Variants in CRHR2 observed in about 807,000 individuals in gnomAD.
CRHR2 encodes the protein corticotropin releasing hormone receptor 2.
Under a neutral mutation model 57.9 loss-of-function variants are expected in CRHR2, and 53 were observed. The ratio of observed to expected loss-of-function variants is 0.92; its 90% CI spans 0.73 to 1.15. The LOEUF is 1.15. Ranked by LOEUF, CRHR2 falls within the 50% of genes most tolerant of loss-of-function variation. The pLI is 0.00. For synonymous variants in CRHR2, 213 were observed against 220.9 expected (o/e 0.96, Z 0.32); for missense variants, 532 against 542.6 (o/e 0.98, Z 0.19).
chr7:30,678,613 A>G (rs1217319453), intron 2 of CRHR2, among the ~76,000 whole-genome samples: 1 of 151,456 alleles, frequency 6.6e-6, no homozygotes, highest in African/African-American at 2.4e-5. Context: ...CATCCTGAGG[A>G]CTTCTAAACG....
intron 2 of CRHR2, among the ~76,000 whole-genome samples, chr7:30,679,908 A>T (rs1784643748): frequency 6.6e-6 from 1 of 152,068 alleles, no homozygotes; most frequent in African/African-American, 2.4e-5. Context: ...GGTGCTGGTT[A>T]GTGGTAAGTG....
chr7:30,654,638 C>T lies in CRHR2; in HGVS notation c.1095+401G>A, dbSNP rs544889001. 1.3e-5 allele frequency: 20 copies of T among 1,515,308 alleles called. 1 individual carries two copies. The South Asian group carries it at 2.3e-4, about 17-fold the overall frequency. 93.9% of individuals were successfully genotyped at this position (1,515,308 alleles called of 1,614,324 possible). On this transcript the variant is annotated intron_variant, in intron 11 of 11. Coordinates refer to ENST00000471646, the MANE Select transcript of CRHR2 (RefSeq NM_001883.5). ...GCCTGCTCTTGGTGTGTGGGCTTTT[C>T]TGTGGCAGGTAGCGGGGGAATGTGC...
At chr7:30,664,872 G>T (rs557586574) in intron 5 of CRHR2, among the ~76,000 whole-genome samples, 198 bp downstream of exon 5, 1 of 152,132 alleles carries the variant, frequency 6.6e-6, no homozygotes, top group Admixed American at 6.5e-5. Context: ...GTGGGGGCAA[G>T]AATGGGGTGG....
At chr7:30,681,767 A>G (rs41417745) in intron 2 of CRHR2, 148 bp downstream of exon 2, 27,164 of 1,226,070 alleles carry the variant, frequency 0.022, 1,073 homozygotes, top group African/African-American at 0.17. Flanking sequence ...CGCGCCCCCA[A>G]CACTGTAAGG....
At position 30,652,153 on chromosome 7, in the gene CRHR2, C is replaced by T. The variant is rs1427126345; in HGVS notation, c.*1307G>A. ...TTTTGGAAGAAATGGCCTGATGCTT[C>T]TCTCTCCCTGACTCCTGCGGCTCCG... On this transcript the variant is annotated 3_prime_UTR_variant, in exon 12 of 12. Coordinates refer to ENST00000471646, the MANE Select transcript of CRHR2 (RefSeq NM_001883.5). The surrounding 1 kb of genome is among the most constrained non-coding windows in gnomAD (Gnocchi z 4.4). The T allele has an allele frequency of 6.6e-6, 1 of 152,222 alleles. No homozygotes were observed. The highest frequency in any genetic ancestry group is 1.9e-4 in the East Asian group (1 of 5,190). The allele number at this position is 152,222 out of a possible 1,614,324, so 9.4% of individuals were successfully genotyped here. A position where few individuals can be genotyped will look rare whatever the true frequency, so the allele number is the denominator to read the frequency against.
chr7:30,681,369 G>A (rs1264184341), intron 2 of CRHR2, among the ~76,000 whole-genome samples: 1 of 152,138 alleles, frequency 6.6e-6, no homozygotes, highest in African/African-American at 2.4e-5. Flanking sequence ...GCAACACCCC[G>A]CACCCTCTGG....
At chr7:30,697,136 G>A (rs1219411725) in intron 1 of CRHR2, among the ~76,000 whole-genome samples, 5 of 152,206 alleles carry the variant, frequency 3.3e-5, no homozygotes, top group East Asian at 1.9e-4. Flanking sequence ...CTGTGGACTC[G>A]GTCTTTGGTG....
At chr7:30,679,687 T>C (rs1398129040) in intron 2 of CRHR2, among the ~76,000 whole-genome samples, 1 of 152,186 alleles carries the variant, frequency 6.6e-6, no homozygotes, top group Non-Finnish European at 1.5e-5. Context: ...GGGCAGGAAG[T>C]GGAGCCTGAA....
chr7:30,682,179 C>A lies in CRHR2; in HGVS notation c.102G>T (p.Glu34Asp). ...TCCGACCGCTCGCCTCCCGCCTACC[C>A]TCGGGGTCCAGGGGTGGCCCCCAGC... is the stretch of plus-strand genomic sequence containing the variant. ...LDGWGPPLDPEGPYSYCNTTL... is the reference protein window; with the variant it reads ...LDGWGPPLDPDGPYSYCNTTL... The change falls in exon 1 of 12, where the codon GAG becomes GAT. Residue 34 changes from glutamate to aspartate, a missense_variant and splice_region_variant. Physicochemically the swap from Glu to Asp is conservative, Grantham distance 45. Transcript: ENST00000471646. The A allele has an allele frequency of 6.4e-7, 1 of 1,573,430 alleles. No individual in the cohort carries two copies. Among genetic ancestry groups the A allele is most frequent in the Non-Finnish European group, 8.6e-7 (1 of 1,169,116 alleles).
chr7:30,682,109 G>T, intron 1 of CRHR2, 69 bp from the exon 2 acceptor site: 1 of 1,538,370 alleles, frequency 6.5e-7, no homozygotes, highest in African/African-American at 1.4e-5. Context: ...CGGAGCGCGG[G>T]GTCAGGGGCG....
At chr7:30,686,108 C>T (rs1347559402), upstream of CRHR2, among the ~76,000 whole-genome samples, 1 of 152,198 alleles carries the variant, frequency 6.6e-6, no homozygotes, top group East Asian at 1.9e-4. Context: ...AACAATGTGT[C>T]ACTACCAGAA....
upstream of CRHR2, chr7:30,682,593 C>G (rs1784762688): frequency 1.1e-6 from 1 of 945,108 alleles, no homozygotes; most frequent in Non-Finnish European, 1.3e-6. Flanking sequence ...CCCGGGCCCT[C>G]CACCCTGCCC....
chr7:30,673,178 T>A (rs1446883662), intron 2 of CRHR2, among the ~76,000 whole-genome samples: 1 of 151,968 alleles, frequency 6.6e-6, no homozygotes, highest in Admixed American at 6.6e-5. Context: ...AGTTGAGAAA[T>A]CTTTGACCAT....
chr7:30,679,490 A>G (rs1584123655), intron 2 of CRHR2, among the ~76,000 whole-genome samples: 1 of 151,978 alleles, frequency 6.6e-6, no homozygotes, highest in South Asian at 2.1e-4. Flanking sequence ...TATGGATACA[A>G]AGCTCTCTCA....
At chr7:30,699,720 G>A (rs756556278) in intron 1 of CRHR2, 4 of 405,026 alleles carry the variant, frequency 9.9e-6, no homozygotes, top group South Asian at 5.9e-5. Flanking sequence ...ACCCAGGCAC[G>A]GGATCTCCAA....
At chr7:30,695,720 T>G (rs909935621) in intron 1 of CRHR2, among the ~76,000 whole-genome samples, 2 of 152,234 alleles carry the variant, frequency 1.3e-5, no homozygotes, top group Non-Finnish European at 2.9e-5. Flanking sequence ...TCTGTCCGAA[T>G]GTCCTAAAAA....
rs914698361 is a variant in CRHR2, at chr7:30,691,398, G to A, written c.-260-2114C>T. ...TGCCTTCTCTCAAAGCCCCTGAGCT[G>A]TGACATTTGTAGCCCCATCACTGAG... On this transcript the variant is annotated intron_variant, in intron 1 of 13. Transcript: ENST00000341843. 6.6e-5 allele frequency among the ~76,000 whole-genome samples: 10 copies of A among 152,352 alleles called. No homozygotes were observed. In the East Asian group the frequency reaches 1.7e-3, roughly 26 times the overall value.
intron 8 of CRHR2, among the ~76,000 whole-genome samples, chr7:30,659,836 A>G (rs998454250): frequency 6.6e-6 from 1 of 152,256 alleles, no homozygotes; most frequent in Non-Finnish European, 1.5e-5. Flanking sequence ...TGGCCCTTTA[A>G]GGAAGCTGGT....
chr7:30,660,446 G>A (rs1210183144), intron 8 of CRHR2, 127 bp downstream of exon 8: 8 of 920,374 alleles, frequency 8.7e-6, no homozygotes, highest in African/African-American at 3.3e-5. Context: ...GACAGGGTAC[G>A]GGGGTGGCAT....
Sources: gnomAD v4.1 joint callset for allele counts (sites outside exome capture counted in the v4.1 genomes callset) on GRCh38, gnomAD v4.1.1 for gene constraint, Gnocchi (gnomAD v3.1) non-coding constraint, MANE v1.5 for transcripts, NCBI Gene and HGNC (gene_info 2026-07-23, HGNC 2026-07-21) for gene names.